TMC1: variants seen among roughly 807,000 people sequenced by gnomAD.
TMC1 encodes transmembrane channel like 1.
Under a neutral mutation model 105.8 loss-of-function variants are expected in TMC1, and 84 were observed. The ratio of observed to expected loss-of-function variants is 0.79; its 90% CI spans 0.67 to 0.95. TMC1 has a LOEUF of 0.95. Among genes scored for constraint, TMC1 ranks in the 40% least tolerant of loss-of-function variants. The pLI is 0.00. For synonymous variants in TMC1, 315 were observed against 311.5 expected (o/e 1.01, Z -0.12); for missense variants, 817 against 914.1 (o/e 0.89, Z 1.37).
intron 5 of TMC1, among the ~76,000 whole-genome samples, chr9:72,686,449 A>G (rs982239857): frequency 6.6e-6 from 1 of 152,196 alleles, no homozygotes; most frequent in Non-Finnish European, 1.5e-5. Context: ...AGTTCTTAAC[A>G]TAGTTCTTTA....
chr9:72,735,744 A>C (rs1335635782), intron 8 of TMC1, among the ~76,000 whole-genome samples: 1 of 152,160 alleles, frequency 6.6e-6, no homozygotes, highest in African/African-American at 2.4e-5. Flanking sequence ...TTGCAGCCCA[A>C]TGTCCCTTCT....
intron 1 of TMC1, among the ~76,000 whole-genome samples, chr9:72,559,394 A>G (rs10115308): frequency 0.53 from 80,020 of 151,996 alleles, 22,076 homozygotes; most frequent in African/African-American, 0.7. Context: ...GTGCCTGGCA[A>G]GAGATAGAAT....
intron 9 of TMC1, 96 bp downstream of exon 9, chr9:72,740,305 A>G: frequency 7.5e-6 from 8 of 1,073,212 alleles, no homozygotes; most frequent in South Asian, 6.6e-5. Flanking sequence ...TACATTTTGT[A>G]TATATAAAAC....
At chr9:72,540,929 G>A (rs1227516943) in intron 1 of TMC1, among the ~76,000 whole-genome samples, 2 of 152,180 alleles carry the variant, frequency 1.3e-5, no homozygotes, top group Non-Finnish European at 2.9e-5. Context: ...AGTTAATACA[G>A]ATATAATGAT....
intron 12 of TMC1, among the ~76,000 whole-genome samples, chr9:72,756,710 T>G (rs1055462877): frequency 1.3e-5 from 2 of 152,194 alleles, no homozygotes; most frequent in Admixed American, 1.3e-4. Context: ...ACTAAAAATA[T>G]GAACAAAAGG....
At chr9:72,749,706 T>C (rs1827547720) in intron 10 of TMC1, among the ~76,000 whole-genome samples, 1 of 152,148 alleles carries the variant, frequency 6.6e-6, no homozygotes, top group African/African-American at 2.4e-5. Flanking sequence ...AAATATTGAC[T>C]TCAAAATCAT....
intron 4 of TMC1, among the ~76,000 whole-genome samples, chr9:72,645,369 A>G (rs1214751349): frequency 1.3e-5 from 2 of 152,186 alleles, no homozygotes; most frequent in African/African-American, 4.8e-5. Flanking sequence ...AAGATTTCTT[A>G]AAAGAACATT....
chr9:72,790,943 T>A (rs1000668), intron 15 of TMC1, among the ~76,000 whole-genome samples: 40,394 of 151,986 alleles, frequency 0.27, 5,728 homozygotes, highest in East Asian at 0.37. Flanking sequence ...ATTATAATTA[T>A]TCACACCACG....
chr9:72,807,098 C>G (rs1019931722), intron 18 of TMC1, among the ~76,000 whole-genome samples: 2 of 152,210 alleles, frequency 1.3e-5, no homozygotes, highest in Non-Finnish European at 2.9e-5. Context: ...CCCGTCTCCA[C>G]CAAAACCAGT....
intron 5 of TMC1, among the ~76,000 whole-genome samples, chr9:72,661,428 T>G (rs1259499386): frequency 1.2e-4 from 19 of 152,218 alleles, no homozygotes; most frequent in Non-Finnish European, 2.9e-5. Context: ...TTTTCCACCC[T>G]CTACATTTTA....
At chr9:72,662,606 G>A (rs894497119) in intron 5 of TMC1, among the ~76,000 whole-genome samples, 2 of 151,938 alleles carry the variant, frequency 1.3e-5, no homozygotes, top group Non-Finnish European at 2.9e-5. Flanking sequence ...TTTATATTTT[G>A]ATGTTTAATA....
intron 1 of TMC1, among the ~76,000 whole-genome samples, chr9:72,539,246 A>C (rs566645239): frequency 1.3e-5 from 2 of 151,636 alleles, no homozygotes; most frequent in African/African-American, 4.8e-5. Flanking sequence ...AAACAACAAC[A>C]AAAAAACAAA....
At chr9:72,542,184 G>A (rs561033768) in intron 1 of TMC1, among the ~76,000 whole-genome samples, 7 of 152,240 alleles carry the variant, frequency 4.6e-5, no homozygotes, top group East Asian at 3.9e-4. Flanking sequence ...AAAAGGGCCC[G>A]GCGCGGTGGC....
intron 2 of TMC1, among the ~76,000 whole-genome samples, chr9:72,607,357 C>T (rs943896686): frequency 5.9e-5 from 9 of 152,094 alleles, no homozygotes; most frequent in Admixed American, 3.9e-4. Context: ...TGGTGGCTCA[C>T]GCCTGTAATC....
At chr9:72,701,244 C>T (rs1210939341) in intron 8 of TMC1, among the ~76,000 whole-genome samples, 1 of 152,204 alleles carries the variant, frequency 6.6e-6, no homozygotes, top group Non-Finnish European at 1.5e-5. Flanking sequence ...ATGCTAATAG[C>T]TATTCCCCGA....
chr9:72,566,422 G>C (rs1244113779), intron 1 of TMC1, among the ~76,000 whole-genome samples: 1 of 145,018 alleles, frequency 6.9e-6, no homozygotes, highest in African/African-American at 2.5e-5. Context: ...CCCTCAAGAA[G>C]TCACTCCATA....
At chr9:72,785,580 G>A (rs1828156808) in intron 13 of TMC1, among the ~76,000 whole-genome samples, 1 of 152,130 alleles carries the variant, frequency 6.6e-6, no homozygotes, top group African/African-American at 2.4e-5. Flanking sequence ...CATGAAATAA[G>A]GGTTACTTGA....
chr9:72,741,754 T>G (rs1056429713), intron 9 of TMC1: 3 of 152,456 alleles, frequency 2.0e-5, no homozygotes, highest in African/African-American at 7.2e-5. Flanking sequence ...TTTGCATACA[T>G]GCAAAATTCT....
At position 72,830,481 on chromosome 9, in the gene TMC1, C is replaced by CAAGG; in HGVS notation, c.2161_2164dup (p.Gly722GlufsTer132). ...CCATCTATTATCTCAATGCTACTGC[C>CAAGG]AAGGGCCAGAAGGCAGCGAATCTGG... is the stretch of plus-strand genomic sequence containing the variant. On this transcript the variant is annotated frameshift_variant, in exon 22 of 24. Transcript: ENST00000297784. LOFTEE classifies it high-confidence loss of function. The CAAGG allele has an allele frequency of 6.2e-7, 1 of 1,613,348 alleles. No individual in the cohort carries two copies. Among genetic ancestry groups the CAAGG allele is most frequent in the African/African-American group, 1.3e-5 (1 of 74,924 alleles).
Sources: allele counts gnomAD v4.1 joint callset (sites outside exome capture counted in the v4.1 genomes callset), GRCh38; gene constraint gnomAD v4.1.1; transcripts MANE v1.5; gene names NCBI Gene and HGNC (gene_info 2026-07-23, HGNC 2026-07-21).